UPK3A: variants seen among roughly 807,000 people sequenced by gnomAD.
UPK3A encodes the protein uroplakin 3A.
UPK3A carries 32 observed loss-of-function variants against 27.6 expected under a neutral mutation model. The ratio of observed to expected loss-of-function variants is 1.16; its 90% confidence interval spans 0.87 to 1.55. UPK3A has a LOEUF of 1.55. Ranked by LOEUF, UPK3A falls within the 40% of genes most tolerant of loss-of-function variation. UPK3A has a pLI of 0.00. For missense variants in UPK3A, 370 were observed against 367.9 expected, an observed-to-expected ratio of 1.01 and a Z score of -0.05; for synonymous variants, 171 against 163.9, an observed-to-expected ratio of 1.04 and a Z score of -0.33.
At chr22:45,294,309 C>T (rs751466083) in intron 5 of UPK3A, among the ~76,000 whole-genome samples, 33 of 151,970 alleles carry the variant, frequency 2.2e-4, no homozygotes, top group Middle Eastern at 3.4e-3. Flanking sequence ...ATAGGTGGGG[C>T]GGGTGGAGAT....
chr22:45,292,022 C>T (rs987231150), intron 4 of UPK3A, among the ~76,000 whole-genome samples: 2 of 152,078 alleles, frequency 1.3e-5, no homozygotes, highest in African/African-American at 2.4e-5. Flanking sequence ...CACTCCCTAC[C>T]GCCCCTCCCG....
rs535709159 is a variant in UPK3A, at chr22:45,287,246, G to T, written c.283G>T (p.Gly95Trp). Residue 95 changes from glycine to tryptophan, a missense_variant, in exon 3 of 6, where the codon GGG becomes TGG. Gly to Trp is a radical substitution (Grantham distance 184). Transcript: ENST00000216211. Reference protein sequence around the residue: ...LGSTFLQTEGGRTGPYKAVAF... With the variant: ...LGSTFLQTEGWRTGPYKAVAF... The stretch of plus-strand genomic sequence containing the variant: ...CTCAACGTTCCTACAAACAGAGGGT[G>T]GGAGGACAGGTCCCTACAAAGCTGT... 6.2e-7 allele frequency: 1 copy of T among 1,614,212 alleles called. No individual in the cohort carries two copies. The highest frequency in any genetic ancestry group is 1.1e-5 in the South Asian group (1 of 91,076).
At chr22:45,288,254 G>T (rs144915995) in intron 3 of UPK3A, among the ~76,000 whole-genome samples, 303 of 151,696 alleles carry the variant, frequency 2.0e-3, no homozygotes, top group Non-Finnish European at 3.9e-3. Context: ...GGAGTGCAGT[G>T]GTGCAATCTC....
chr22:45,292,705 A>G (rs1462986068), intron 4 of UPK3A, among the ~76,000 whole-genome samples: 1 of 151,924 alleles, frequency 6.6e-6, no homozygotes, highest in Admixed American at 6.6e-5. Context: ...AGAGCTCAAG[A>G]CCAGACTGGG....
intron 1 of UPK3A, 59 bp from the exon 2 acceptor site, chr22:45,285,882 C>A: frequency 6.2e-7 from 1 of 1,610,500 alleles, no homozygotes; most frequent in Non-Finnish European, 8.5e-7. Flanking sequence ...TAACTGCAAG[C>A]AGAGTGGGTG....
chr22:45,285,476 G>A (rs572413100), intron 1 of UPK3A, among the ~76,000 whole-genome samples: 1 of 152,200 alleles, frequency 6.6e-6, no homozygotes, highest in Non-Finnish European at 1.5e-5. Flanking sequence ...GGAGCCTGTG[G>A]GGGAAGGGGT....
intron 3 of UPK3A, among the ~76,000 whole-genome samples, chr22:45,288,761 A>G (rs1406170095): frequency 1.3e-5 from 2 of 152,210 alleles, no homozygotes; most frequent in African/African-American, 4.8e-5. Flanking sequence ...ACATGGAGGA[A>G]AGAAATGGAG....
chr22:45,287,819 T>C (rs2673089), intron 3 of UPK3A, among the ~76,000 whole-genome samples: 119,499 of 151,904 alleles, frequency 0.79, 47,002 homozygotes, highest in African/African-American at 0.83. Flanking sequence ...CACACCACCA[T>C]GCCCGGCTAA....
Position 45,295,705 on chromosome 22 carries a change from A to C in UPK3A, c.850A>C (p.Lys284Gln). 6.2e-7 allele frequency: 1 copy of C among 1,613,966 alleles called. No individual in the cohort carries two copies. Among genetic ancestry groups the C allele is most frequent in the Non-Finnish European group, 8.5e-7 (1 of 1,180,010 alleles). ...GGACAGGGCTGAGGTGTATTCCAGCAAGCTCCAAGACTGAGCCCAGCACCA... is the reference window on the plus strand; with the variant it reads ...GGACAGGGCTGAGGTGTATTCCAGCCAGCTCCAAGACTGAGCCCAGCACCA... ...PLDRAEVYSS[K>Q]LQD The change falls in exon 6 of 6, where the codon AAG (lysine) becomes CAG (glutamine). Residue 284 changes from lysine (K) to glutamine (Q), a missense_variant. Lys to Gln is a moderately conservative substitution (Grantham distance 53). Coordinates refer to ENST00000216211, the MANE Select transcript of UPK3A (RefSeq NM_006953.4).
In UPK3A at chr22:45,295,683, C is replaced by G. The variant is rs769697715; in HGVS notation, c.828C>G (p.Asp276Glu). ...YTSVNRGPPL[D>E]RAEVYSSKLQ... ...CCGTGAACCGGGGGCCGCCACTGGA[C>G]AGGGCTGAGGTGTATTCCAGCAAGC... Residue 276 changes from aspartate (D) to glutamate (E), a missense_variant, in exon 6 of 6, where the codon GAC (aspartate) becomes GAG (glutamate). Coordinates refer to ENST00000216211, the MANE Select transcript of UPK3A (RefSeq NM_006953.4). 25 of 1,613,834 alleles carry G rather than the reference C, an allele frequency of 1.5e-5. No homozygotes were observed.
intron 4 of UPK3A, among the ~76,000 whole-genome samples, chr22:45,291,021 G>A (rs2084156819): frequency 6.6e-6 from 1 of 152,088 alleles, no homozygotes; most frequent in African/African-American, 2.4e-5. Flanking sequence ...TATTATATAT[G>A]GCAAAGTAAT....
chr22:45,295,540 C>G lies in UPK3A; in HGVS notation c.705-20C>G. The G allele has an allele frequency of 6.2e-7, 1 of 1,614,062 alleles. No homozygotes were observed. On this transcript the variant is annotated intron_variant, in intron 5 of 5. Coordinates refer to ENST00000216211, the MANE Select transcript of UPK3A (RefSeq NM_006953.4). ...TTGCTCTGGTCCCCTAATCCTGGGT[C>G]TTTCCATCCCCTTGGACAGGGACAT...
At chr22:45,290,095 T>C (rs2084149718) in intron 4 of UPK3A, among the ~76,000 whole-genome samples, 1 of 152,220 alleles carries the variant, frequency 6.6e-6, no homozygotes, top group Non-Finnish European at 1.5e-5. Context: ...CACCTACTCC[T>C]TAGCACCTGG....
At chr22:45,287,025 C>A in intron 2 of UPK3A, 147 bp from the exon 3 acceptor site, 1 of 1,179,656 alleles carries the variant, frequency 8.5e-7, no homozygotes, top group Non-Finnish European at 1.2e-6. Context: ...ACTGAGAGGG[C>A]AGAGACTAAG....
At chr22:45,287,819 T>A (rs2673089) in intron 3 of UPK3A, among the ~76,000 whole-genome samples, 1 of 151,852 alleles carries the variant, frequency 6.6e-6, no homozygotes, top group African/African-American at 2.4e-5. Context: ...CACACCACCA[T>A]GCCCGGCTAA....
chr22:45,287,365 C>G lies in UPK3A; in HGVS notation c.402C>G (p.Val134=), dbSNP rs2673088. ...KASQILNAYL[V]RVGANGTCLW... ...CACAGATCCTGAATGCCTACCTGGT[C>G]AGGGTGGGTGCCAACGGGACCTGCC... The change falls in exon 3 of 6, where the codon GTC becomes GTG. Residue 134 remains valine, a synonymous_variant. Transcript: ENST00000216211. The G allele has an allele frequency of 6.2e-7, 1 of 1,613,690 alleles. No individual in the cohort carries two copies. The highest frequency in any genetic ancestry group is 8.5e-7 in the Non-Finnish European group (1 of 1,179,850).
rs1371416752 is a variant in UPK3A at position 45,286,189 on chromosome 22, C to T, written c.208+93C>T. ...GAGGCAGATAGAGGAACCCTCCATG[C>T]CTGTAGTCGTCTCATTAAACAGGTA... On this transcript the variant is annotated intron_variant, in intron 2 of 5. Transcript: ENST00000216211. The T allele has an allele frequency of 3.3e-6, 5 of 1,519,606 alleles. No homozygotes were observed. The African/African-American group carries it at 5.5e-5, about 17-fold the overall frequency. 94.1% of individuals were successfully genotyped at this position (1,519,606 alleles called of 1,614,324 possible).
At chr22:45,291,335 A>C (rs1227183307) in intron 4 of UPK3A, among the ~76,000 whole-genome samples, 1 of 137,382 alleles carries the variant, frequency 7.3e-6, no homozygotes, top group Non-Finnish European at 1.6e-5. Context: ...GTGTGTGGTT[A>C]GCGTGAGAGT....
rs767600626 is a variant in UPK3A, at chr22:45,289,130, C to T, written c.558C>T (p.Ile186=). The stretch of plus-strand genomic sequence containing the variant: ...ACCAGACCCTGTGGTCAGACCCCAT[C>T]CGCACCAACCAGCGTAAGTGGTGGG... ...VEDQTLWSDP[I]RTNQLTPYST... Residue 186 remains isoleucine (I), a synonymous_variant, in exon 4 of 6, where the codon ATC becomes ATT. Transcript: ENST00000216211. 6 of 1,614,032 alleles carry T rather than the reference C, an allele frequency of 3.7e-6. No homozygotes were observed. Among genetic ancestry groups the T allele is most frequent in the Non-Finnish European group, 5.1e-6 (6 of 1,180,026 alleles).
Sources: gnomAD v4.1 joint callset for allele counts (sites outside exome capture counted in the v4.1 genomes callset) on GRCh38, gnomAD v4.1.1 for gene constraint, MANE v1.5 for transcripts, NCBI Gene and HGNC (gene_info 2026-07-23, HGNC 2026-07-21) for gene names.